The following SEC11A variants were observed in gnomAD, a reference collection of about 807,000 sequenced individuals.
SEC11A encodes signal peptidase complex catalytic subunit SEC11A.
In SEC11A, 14 loss-of-function variants were observed where a neutral mutation model predicts 25.6. The observed-to-expected ratio is 0.55, with a 90% CI of 0.36 to 0.85. The LOEUF is 0.85. Among genes scored for constraint, SEC11A ranks in the 40% least tolerant of loss-of-function variants. SEC11A has a pLI of 0.01. For synonymous variants in SEC11A, 83 were observed against 76.4 expected, an observed-to-expected ratio of 1.09 and a Z score of -0.45; for missense variants, 153 against 222.9, an observed-to-expected ratio of 0.69 and a Z score of 2.00.
At chr15:84,680,263 T>G (rs1332123569) in intron 4 of SEC11A, among the ~76,000 whole-genome samples, 1 of 150,780 alleles carries the variant, frequency 6.6e-6, no homozygotes, top group Non-Finnish European at 1.5e-5. Flanking sequence ...ATCGCGCTAT[T>G]GCACTCCAGC....
At chr15:84,696,579 C>G (rs1897773548) in intron 1 of SEC11A, among the ~76,000 whole-genome samples, 1 of 152,074 alleles carries the variant, frequency 6.6e-6, no homozygotes, top group Non-Finnish European at 1.5e-5. Flanking sequence ...ACTCAAAACC[C>G]TTGGGGGTCA....
intron 2 of SEC11A, among the ~76,000 whole-genome samples, chr15:84,688,868 TA>T (rs1241645054): frequency 1.3e-5 from 2 of 151,820 alleles, no homozygotes; most frequent in African/African-American, 2.4e-5. Flanking sequence ...CAGTCTCAAC[TA>T]AAAATACAAA....
chr15:84,676,249 T>TA (rs918431555), intron 4 of SEC11A, among the ~76,000 whole-genome samples: 40 of 150,950 alleles, frequency 2.6e-4, no homozygotes, highest in Admixed American at 1.1e-3. Context: ...GTGCAGCTGT[T>TA]AAAAAAAAAG....
chr15:84,680,826 A>G lies in SEC11A; in HGVS notation c.318T>C (p.Asn106=). ...CTTTGGTCAAAAACTTGATATGCCC[A>G]TTTTGCCTTAAAAGAGTAAAGGAAA... ...HRVLKIHEKQ[N]GHIKFLTKGD... The change falls in exon 4 of 6, where the codon AAT becomes AAC. Residue 106 remains asparagine (N), a synonymous_variant. Transcript: ENST00000268220. 6.2e-7 allele frequency: 1 copy of G among 1,607,546 alleles called. No homozygotes were observed. Among genetic ancestry groups the G allele is most frequent in the Non-Finnish European group, 8.5e-7 (1 of 1,176,206 alleles).
chr15:84,708,205 CAAAAAA>C (rs71132699), intron 1 of SEC11A, among the ~76,000 whole-genome samples: 4 of 35,426 alleles, frequency 1.1e-4, no homozygotes, highest in East Asian at 8.8e-4. Context: ...GGCTCTGTCT[CAAAAAA>C]AAAAAAAAAA....
chr15:84,692,443 C>T (rs1365761603), intron 1 of SEC11A, among the ~76,000 whole-genome samples: 2 of 152,186 alleles, frequency 1.3e-5, no homozygotes, highest in East Asian at 3.8e-4. Context: ...AAAGAGGAGA[C>T]TTCACCAAGT....
chr15:84,712,937 T>G (rs972881427), intron 1 of SEC11A, among the ~76,000 whole-genome samples: 3 of 152,070 alleles, frequency 2.0e-5, no homozygotes, highest in African/African-American at 7.2e-5. Flanking sequence ...CCGGGAGCAG[T>G]GGCTCACGCC....
At chr15:84,679,682 T>C (rs899780580) in intron 4 of SEC11A, among the ~76,000 whole-genome samples, 2 of 152,234 alleles carry the variant, frequency 1.3e-5, no homozygotes, top group African/African-American at 4.8e-5. Flanking sequence ...GATGGTAAGG[T>C]GGACTATGCA....
intron 1 of SEC11A, among the ~76,000 whole-genome samples, chr15:84,694,897 C>G (rs1017856260): frequency 6.6e-6 from 1 of 151,284 alleles, no homozygotes; most frequent in Non-Finnish European, 1.5e-5. Context: ...TAAGACCAGC[C>G]TGGCCAACAT....
rs756481110 is a variant in SEC11A at position 84,691,644 on chromosome 15, G to A, written c.52C>T (p.Leu18Phe). The A allele has an allele frequency of 1.9e-6, 3 of 1,565,146 alleles. No homozygotes were observed. Among genetic ancestry groups the A allele is most frequent in the South Asian group, 2.2e-5 (2 of 89,854 alleles). The change falls in exon 2 of 6, where the codon CTC (leucine) becomes TTC (phenylalanine). Residue 18 changes from leucine (L) to phenylalanine (F), a missense_variant and splice_region_variant. Physicochemically the swap from Leu to Phe is conservative, Grantham distance 22. Transcript: ENST00000268220. Reference sequence around the variant, plus strand: ...CCAAAATTTAGGACTTGATAATAGAGCTGCAAGAACAAAACAGAAGAGATC... The same window carrying A: ...CCAAAATTTAGGACTTGATAATAGAACTGCAAGAACAAAACAGAAGAGATC... ...DDVRRMNKRQ[L>F]YYQVLNFGMI... is the part of the protein sequence containing the mutation.
chr15:84,706,552 C>T (rs2141920606), intron 1 of SEC11A, among the ~76,000 whole-genome samples: 1 of 152,242 alleles, frequency 6.6e-6, no homozygotes, highest in South Asian at 2.1e-4. Context: ...CCCCATCAGG[C>T]AAGAAATTAT....
At chr15:84,704,172 G>A (rs1898029682) in intron 1 of SEC11A, among the ~76,000 whole-genome samples, 1 of 152,160 alleles carries the variant, frequency 6.6e-6, no homozygotes, top group Non-Finnish European at 1.5e-5. Context: ...GTAAACTCCG[G>A]ATATAGATTG....
intron 2 of SEC11A, among the ~76,000 whole-genome samples, chr15:84,688,536 C>T (rs1567038018): frequency 1.3e-5 from 2 of 152,148 alleles, no homozygotes; most frequent in Non-Finnish European, 2.9e-5. Context: ...AGAAGTAGCC[C>T]ATCAGTCTTT....
Position 84,691,655 on chromosome 15 carries a change from A to G in SEC11A, c.52-11T>C. 6.8e-7 allele frequency: 1 copy of G among 1,474,906 alleles called. No individual in the cohort carries two copies. The highest frequency in any genetic ancestry group is 9.5e-7 in the Non-Finnish European group (1 of 1,055,000). The allele number at this position is 1,474,906 out of a possible 1,614,324, so 91.4% of individuals were successfully genotyped here. On this transcript the variant is annotated splice_polypyrimidine_tract_variant and intron_variant, in intron 1 of 5. Coordinates refer to ENST00000268220, the MANE Select transcript of SEC11A (RefSeq NM_014300.4). The stretch of plus-strand genomic sequence containing the variant: ...GACTTGATAATAGAGCTGCAAGAAC[A>G]AAACAGAAGAGATCAGATCCACCAT...
intron 3 of SEC11A, among the ~76,000 whole-genome samples, chr15:84,685,435 TTTTTTTTA>T (rs1450549873): frequency 6.7e-6 from 1 of 149,718 alleles, no homozygotes; most frequent in Non-Finnish European, 1.5e-5. Flanking sequence ...TTTTTTTTTT[TTTTTTTTA>T]TTTGTAGAGA....
intron 2 of SEC11A, among the ~76,000 whole-genome samples, chr15:84,689,150 C>CT (rs1026296896): frequency 5.9e-5 from 9 of 151,812 alleles, no homozygotes; most frequent in Admixed American, 5.9e-4. Flanking sequence ...GGGAGGATCA[C>CT]TTGAGATCAG....
intron 1 of SEC11A, among the ~76,000 whole-genome samples, chr15:84,704,379 G>C (rs994826922): frequency 5.3e-5 from 8 of 152,140 alleles, no homozygotes; most frequent in African/African-American, 1.9e-4. Flanking sequence ...TGAAGTAGCT[G>C]GCCTGAAATA....
intron 1 of SEC11A, among the ~76,000 whole-genome samples, chr15:84,706,806 G>A (rs943322895): frequency 2.6e-5 from 4 of 152,204 alleles, no homozygotes; most frequent in African/African-American, 9.6e-5. Context: ...TCCCTGTATG[G>A]TTCTGGGTTA....
At chr15:84,699,005 T>C (rs1399583786) in intron 1 of SEC11A, among the ~76,000 whole-genome samples, 2 of 152,074 alleles carry the variant, frequency 1.3e-5, no homozygotes, top group African/African-American at 2.4e-5. Context: ...ACATGCAACA[T>C]AGGTGAATTT....
Sources: gnomAD v4.1 joint callset for allele counts (sites outside exome capture counted in the v4.1 genomes callset) on GRCh38, gnomAD v4.1.1 for gene constraint, MANE v1.5 for transcripts, NCBI Gene and HGNC (gene_info 2026-07-23, HGNC 2026-07-21) for gene names.